The following TRA2B variants were observed in gnomAD, a reference collection of about 807,000 sequenced individuals.
TRA2B encodes the protein transformer-2 protein homolog beta.
In TRA2B, 14 loss-of-function variants were observed where a neutral mutation model predicts 41.7. That is an observed-to-expected ratio of 0.34 (90% CI 0.22 to 0.53). TRA2B has a LOEUF of 0.53. Ranked by LOEUF, TRA2B falls within the 20% of genes least tolerant of loss-of-function variation. TRA2B has a pLI of 0.95. For missense variants in TRA2B, 167 were observed against 396.8 expected (o/e 0.42, Z 4.92); for synonymous variants, 130 against 128.8 (o/e 1.01, Z -0.06).
chr3:185,936,043 T>C (rs770527112), intron 1 of TRA2B: 7 of 985,334 alleles, frequency 7.1e-6, no homozygotes, highest in Non-Finnish European at 8.4e-6. Flanking sequence ...AACTGGAACC[T>C]AGTTTCAATT....
chr3:185,918,024 G>A (rs1416847722), intron 8 of TRA2B, among the ~76,000 whole-genome samples: 1 of 151,950 alleles, frequency 6.6e-6, no homozygotes, highest in African/African-American at 2.4e-5. Context: ...CTAAATGGTG[G>A]AAATACATTA....
In TRA2B at chr3:185,917,440, A is replaced by G; in HGVS notation, c.*275T>C. ...AAAAACCTTTTAAATGAAGTTTTGT[A>G]CAATAGAAACTTCTCAGCAGTCAAA... On this transcript the variant is annotated 3_prime_UTR_variant, in exon 9 of 9. Coordinates refer to ENST00000453386, the MANE Select transcript of TRA2B (RefSeq NM_004593.3). The G allele has an allele frequency of 2.3e-6, 1 of 428,638 alleles. No individual in the cohort carries two copies. Among genetic ancestry groups the G allele is most frequent in the East Asian group, 3.8e-5 (1 of 26,526 alleles). The allele number at this position is 428,638 out of a possible 1,614,324, so 26.6% of individuals were successfully genotyped here. A position where few individuals can be genotyped will look rare whatever the true frequency, so the allele number is the denominator to read the frequency against.
At chr3:185,921,594 C>T (rs1007483253) in intron 5 of TRA2B, among the ~76,000 whole-genome samples, 5 of 152,082 alleles carry the variant, frequency 3.3e-5, no homozygotes, top group East Asian at 1.9e-4. Context: ...GAAAACCTGC[C>T]TCTACTAAAA....
Position 185,917,662 on chromosome 3 carries a change from T to C in TRA2B, c.*53A>G. 1 of 1,599,138 alleles carries C rather than the reference T, an allele frequency of 6.3e-7. No homozygotes were observed. The highest frequency in any genetic ancestry group is 1.1e-5 in the South Asian group (1 of 89,620). On this transcript the variant is annotated 3_prime_UTR_variant, in exon 9 of 9. Transcript: ENST00000453386. The stretch of plus-strand genomic sequence containing the variant: ...TTAAACAAGAGACAATAAAAAATAT[T>C]GCCCACAAACAATATCCCAGCTCTA...
At chr3:185,924,024 C>T in intron 3 of TRA2B, 40 bp from the exon 4 acceptor site, 2 of 1,559,398 alleles carry the variant, frequency 1.3e-6, no homozygotes, top group Non-Finnish European at 1.7e-6. Flanking sequence ...GAAAAGTTGT[C>T]ATAAAATCAA....
At position 185,937,937 on chromosome 3, in the gene TRA2B, C is replaced by T. The variant is rs1744435841; in HGVS notation, c.-77G>A. 1 of 1,570,878 alleles carries T rather than the reference C, an allele frequency of 6.4e-7. No individual in the cohort carries two copies. Among genetic ancestry groups the T allele is most frequent in the Non-Finnish European group, 8.7e-7 (1 of 1,149,776 alleles). ...TCTTGCACCTTCCTTAAGGAGGCTC[C>T]GCCGCAGCCCCGCACGACGCGCCGG... is the stretch of plus-strand genomic sequence containing the variant. On this transcript the variant is annotated 5_prime_UTR_variant, in exon 1 of 9. Transcript: ENST00000453386.
chr3:185,922,248 A>G (rs1306494000), intron 4 of TRA2B, 122 bp from the exon 5 acceptor site: 1 of 590,134 alleles, frequency 1.7e-6, no homozygotes, highest in Non-Finnish European at 2.9e-6. Context: ...AATGTTAGCC[A>G]GAACGTAAGG....
chr3:185,922,646 T>C (rs1743785604), intron 4 of TRA2B: 1 of 152,268 alleles, frequency 6.6e-6, no homozygotes, highest in Non-Finnish European at 1.5e-5. Context: ...CTGAACACAT[T>C]ATTTAACCCT....
At chr3:185,937,739 T>C (rs1744425649) in intron 1 of TRA2B, 86 bp downstream of exon 1, 3 of 1,587,290 alleles carry the variant, frequency 1.9e-6, no homozygotes, top group Non-Finnish European at 2.6e-6. Context: ...AAAACGCCCC[T>C]GCCTCCTGGC....
In TRA2B at chr3:185,922,007, T is replaced by G; in HGVS notation, c.638+4A>C. 1 of 1,595,466 alleles carries G rather than the reference T, an allele frequency of 6.3e-7. No homozygotes were observed. Among genetic ancestry groups the G allele is most frequent in the South Asian group, 1.1e-5 (1 of 88,520 alleles). ...AATTATATTTATTTTGAAAATAAAC[T>G]TACTAGGTAGGTCTCCCCATGTAAA... On this transcript the variant is annotated splice_donor_region_variant and intron_variant, in intron 5 of 8. Coordinates refer to ENST00000453386, the MANE Select transcript of TRA2B (RefSeq NM_004593.3).
intron 1 of TRA2B, 29 bp from the exon 2 acceptor site, chr3:185,926,763 GCA>G (rs1432347968): frequency 1.2e-6 from 2 of 1,611,628 alleles, no homozygotes; most frequent in African/African-American, 2.7e-5. Context: ...AGTTTAATTT[GCA>G]CACTTTCTGG....
At chr3:185,919,864 ATGAC>A (rs931543980) in intron 6 of TRA2B, among the ~76,000 whole-genome samples, 15 of 152,214 alleles carry the variant, frequency 9.9e-5, no homozygotes, top group Non-Finnish European at 1.8e-4. Flanking sequence ...CTTTCAGACA[ATGAC>A]TGACAACTGT....
intron 1 of TRA2B, chr3:185,935,579 T>C (rs879822776): frequency 1.0e-6 from 1 of 985,372 alleles, no homozygotes; most frequent in Non-Finnish European, 1.2e-6. Context: ...TAAGGGAGAA[T>C]TCCACTGATT....
At position 185,915,669 on chromosome 3, in the gene TRA2B, C is replaced by T. The variant is rs1743476441; in HGVS notation, c.*2046G>A. 6.6e-6 allele frequency among the ~76,000 whole-genome samples: 1 copy of T among 152,088 alleles called. No homozygotes were observed. The highest frequency in any genetic ancestry group is 1.5e-5 in the Non-Finnish European group (1 of 67,994). On this transcript the variant is annotated 3_prime_UTR_variant, in exon 9 of 9. Coordinates refer to ENST00000453386, the MANE Select transcript of TRA2B (RefSeq NM_004593.3). ...TCTTTCAAATCTAAAAGCCAGAAAA[C>T]AACTCAAACTAGCCTAAAAAAGGAA...
In TRA2B at chr3:185,937,452, G is replaced by A. The variant is rs577784311; in HGVS notation, c.36+373C>T. ...TTTTGTGCCTCTGGCAGCTCGCCCAGCCCGCCAGCCCAAGATGGCTGCGGC... is the reference window on the plus strand; with the variant it reads ...TTTTGTGCCTCTGGCAGCTCGCCCAACCCGCCAGCCCAAGATGGCTGCGGC... On this transcript the variant is annotated intron_variant, in intron 1 of 8. Transcript: ENST00000453386. 6.6e-5 allele frequency: 69 copies of A among 1,046,264 alleles called. No individual in the cohort carries two copies. The East Asian group carries it at 3.6e-3, about 55-fold the overall frequency. The allele number at this position is 1,046,264 out of a possible 1,614,324, so 64.8% of individuals were successfully genotyped here.
At chr3:185,937,761 G>C in intron 1 of TRA2B, 64 bp downstream of exon 1, 3 of 1,607,458 alleles carry the variant, frequency 1.9e-6, no homozygotes, top group Non-Finnish European at 2.6e-6. Flanking sequence ...CGAGGCCGAC[G>C]GGCCTAGAAA....
intron 1 of TRA2B, chr3:185,931,509 C>G: frequency 1.9e-6 from 2 of 1,073,512 alleles, no homozygotes; most frequent in Non-Finnish European, 2.3e-6. Context: ...ATATTTTCCT[C>G]TATTAAACAA....
intron 1 of TRA2B, chr3:185,934,340 A>C: frequency 2.9e-5 from 29 of 985,122 alleles, no homozygotes; most frequent in Non-Finnish European, 3.4e-5. Context: ...AGAAAGGAGG[A>C]AAAAACGCTA....
intron 1 of TRA2B, among the ~76,000 whole-genome samples, chr3:185,932,188 T>G (rs1413200061): frequency 6.6e-6 from 1 of 152,140 alleles, no homozygotes; most frequent in Admixed American, 6.5e-5. Context: ...AGGTTAAGTG[T>G]CAAAAGCACA....
Sources: allele counts gnomAD v4.1 joint callset (sites outside exome capture counted in the v4.1 genomes callset), GRCh38; gene constraint gnomAD v4.1.1; transcripts MANE v1.5; gene names NCBI Gene and HGNC (gene_info 2026-07-23, HGNC 2026-07-21).